EMID1: variants seen among roughly 807,000 people sequenced by gnomAD.
EMID1 encodes the protein EMI domain-containing protein 1.
EMID1 carries 40 observed loss-of-function variants against 60.6 expected under a neutral mutation model. The observed-to-expected ratio is 0.66, with a 90% confidence interval of 0.51 to 0.86. The LOEUF is 0.86. Among genes scored for constraint, EMID1 ranks in the 40% least tolerant of loss-of-function variants. The pLI is 0.00. For missense variants in EMID1, 585 were observed against 597.1 expected, an observed-to-expected ratio of 0.98 and a Z score of 0.21; for synonymous variants, 242 against 231.0, an observed-to-expected ratio of 1.05 and a Z score of -0.43.
chr22:29,236,378 C>G (rs564286635), intron 12 of EMID1, among the ~76,000 whole-genome samples: 19 of 152,170 alleles, frequency 1.2e-4, no homozygotes, highest in Non-Finnish European at 2.2e-4. Flanking sequence ...AGTGACAGAA[C>G]CAGACCTTGC....
At chr22:29,254,175 C>T (rs575677703) in intron 13 of EMID1, 28 bp from the exon 14 acceptor site, 40 of 1,613,260 alleles carry the variant, frequency 2.5e-5, no homozygotes, top group Middle Eastern at 1.6e-4. Flanking sequence ...GCCCCCTTCA[C>T]GGCTGCATCT....
intron 1 of EMID1, among the ~76,000 whole-genome samples, chr22:29,208,104 T>G (rs1468073427): frequency 2.6e-5 from 4 of 152,014 alleles, no homozygotes; most frequent in Non-Finnish European, 4.4e-5. Flanking sequence ...CACATGGGGG[T>G]AGGGACCTGG....
rs144341011 is a variant in EMID1 at position 29,227,409 on chromosome 22, A to G, written c.465+858A>G. 4.0e-3 allele frequency among the ~76,000 whole-genome samples: 594 copies of G among 147,124 alleles called. 5 individuals are homozygous for G. The highest frequency in any genetic ancestry group is 0.014 in the African/African-American group (549 of 38,644). On this transcript the variant is annotated intron_variant, in intron 5 of 14. Coordinates refer to ENST00000334018, the MANE Select transcript of EMID1 (RefSeq NM_133455.4). ...TGCCATAAAACTTTTTTTTTTTTTT[A>G]AATTAAAAAGTACTGCTTGGCGCAG...
chr22:29,238,355 AG>A (rs2041035635), intron 12 of EMID1, among the ~76,000 whole-genome samples: 1 of 139,044 alleles, frequency 7.2e-6, no homozygotes, highest in African/African-American at 2.9e-5. Context: ...TCTGGGCTCA[AG>A]GGATCCTCCC....
At chr22:29,255,455 A>T in intron 14 of EMID1, 1 of 925,906 alleles carries the variant, frequency 1.1e-6, no homozygotes, top group Non-Finnish European at 1.5e-6. Flanking sequence ...TGCTTGGCCC[A>T]GGCCAGCGGA....
chr22:29,221,625 C>T (rs1448736492), intron 3 of EMID1, among the ~76,000 whole-genome samples: 1 of 152,148 alleles, frequency 6.6e-6, no homozygotes, highest in Non-Finnish European at 1.5e-5. Context: ...CTGCTCACCT[C>T]GGCCTCCCAA....
chr22:29,216,388 CA>C, intron 3 of EMID1: 1 of 985,470 alleles, frequency 1.0e-6, no homozygotes, highest in South Asian at 4.7e-5. Context: ...AACCCATGAG[CA>C]GCAGATTTTT....
At chr22:29,232,215 TGCCTCCTG>T in intron 7 of EMID1, 33 bp from the exon 8 acceptor site, 2 of 1,610,834 alleles carry the variant, frequency 1.2e-6, no homozygotes, top group Non-Finnish European at 1.7e-6. Flanking sequence ...TGGGCCTCCT[TGCCTCCTG>T]TATACCCACA....
At position 29,252,772 on chromosome 22, in the gene EMID1, C is replaced by G. The variant is rs117798789; in HGVS notation, c.1120-1431C>G. On this transcript the variant is annotated intron_variant, in intron 13 of 14. Transcript: ENST00000334018. ...TCTGGGAGCCAGAGACAGGGAGAAG[C>G]AGACCCGTACTGCTAAGAGGAGAGG... Among the ~76,000 whole-genome samples, 12 of 152,262 alleles carry G rather than the reference C, an allele frequency of 7.9e-5. No homozygotes were observed. In the East Asian group the frequency reaches 2.3e-3, roughly 29 times the overall value.
intron 1 of EMID1, among the ~76,000 whole-genome samples, chr22:29,210,552 A>C (rs2039844793): frequency 6.6e-6 from 1 of 150,390 alleles, no homozygotes; most frequent in Non-Finnish European, 1.5e-5. Flanking sequence ...TTTTTTTAAG[A>C]GACAAAGTGT....
At position 29,226,473 on chromosome 22, in the gene EMID1, T is replaced by A; in HGVS notation, c.404-17T>A. Reference sequence around the variant, plus strand: ...TAGGACCCTTGGCCCTGGCCCCAGCTTCCTCCCTCCCCGCAGGTTGTCTCA... The same window carrying A: ...TAGGACCCTTGGCCCTGGCCCCAGCATCCTCCCTCCCCGCAGGTTGTCTCA... On this transcript the variant is annotated splice_polypyrimidine_tract_variant and intron_variant, in intron 4 of 14. Transcript: ENST00000334018. 1 of 1,610,800 alleles carries A rather than the reference T, an allele frequency of 6.2e-7. No individual in the cohort carries two copies.
At chr22:29,231,916 C>A in intron 7 of EMID1, 1 of 562,390 alleles carries the variant, frequency 1.8e-6, no homozygotes. Flanking sequence ...GAGCTGGGCA[C>A]TGGGTGGGGT....
chr22:29,211,292 C>G (rs1241149113), intron 1 of EMID1, among the ~76,000 whole-genome samples: 1 of 152,144 alleles, frequency 6.6e-6, no homozygotes, highest in Non-Finnish European at 1.5e-5. Context: ...GCAGGGAGGA[C>G]GGTCATTTCT....
rs549815870 is a variant in EMID1, at chr22:29,232,195, A to G, written c.677-61A>G. 1.2e-3 allele frequency: 1,867 copies of G among 1,606,562 alleles called. 24 individuals carry two copies. In the African/African-American group the frequency reaches 0.023, roughly 20 times the overall value. On this transcript the variant is annotated intron_variant, in intron 7 of 14. Transcript: ENST00000334018. ...TCCAGGCTGCCTTGTCCTGTCGCTC[A>G]AGGCCACCCTGGGCCTCCTTGCCTC...
intron 12 of EMID1, among the ~76,000 whole-genome samples, chr22:29,237,058 G>T (rs1433881822): frequency 6.6e-6 from 1 of 152,062 alleles, no homozygotes; most frequent in South Asian, 2.1e-4. Flanking sequence ...GCCTCCCAAA[G>T]TGCTGGAATT....
intron 12 of EMID1, among the ~76,000 whole-genome samples, chr22:29,239,937 A>G (rs998241446): frequency 8.4e-6 from 1 of 118,460 alleles, no homozygotes; most frequent in African/African-American, 3.5e-5. Flanking sequence ...TCAACCTCCC[A>G]AGCAGCTGGG....
At position 29,237,965 on chromosome 22, in the gene EMID1, T is replaced by G. The variant is rs2041015795; in HGVS notation, c.1074+3616T>G. 3.5e-5 allele frequency among the ~76,000 whole-genome samples: 5 copies of G among 144,696 alleles called. 2 individuals are homozygous for G. Among genetic ancestry groups the G allele is most frequent in the African/African-American group, 1.4e-4 (5 of 36,674 alleles). 94.9% of individuals were successfully genotyped at this position (144,696 alleles called of 152,430 possible). ...TGCTCCGCTGAAGAACTTCTTTTAA[T>G]GTTTCCTACAAGGCAGATCTACTGA... On this transcript the variant is annotated intron_variant, in intron 12 of 14. Coordinates refer to ENST00000334018, the MANE Select transcript of EMID1 (RefSeq NM_133455.4).
chr22:29,210,157 G>A (rs1476803046), intron 1 of EMID1, among the ~76,000 whole-genome samples: 3 of 152,112 alleles, frequency 2.0e-5, no homozygotes, highest in Non-Finnish European at 4.4e-5. Context: ...TGTCCAAAAG[G>A]TCTGGCTAGC....
intron 10 of EMID1, 172 bp from the exon 11 acceptor site, chr22:29,233,965 T>A: frequency 4.1e-6 from 3 of 732,234 alleles, no homozygotes; most frequent in Non-Finnish European, 6.6e-6. Flanking sequence ...GACTCCAGGA[T>A]CAGATCTTTT....
Sources: gnomAD v4.1 joint callset for allele counts (sites outside exome capture counted in the v4.1 genomes callset) on GRCh38, gnomAD v4.1.1 for gene constraint, MANE v1.5 for transcripts, NCBI Gene and HGNC (gene_info 2026-07-23, HGNC 2026-07-21) for gene names.